The following LDLRAD4 variants were observed in gnomAD, a reference collection of about 807,000 sequenced individuals.
LDLRAD4 encodes low-density lipoprotein receptor class A domain-containing protein 4.
A neutral mutation model predicts 17.0 loss-of-function variants in LDLRAD4; 5 were observed. The ratio of observed to expected loss-of-function variants is 0.29; its 90% CI spans 0.15 to 0.62. The LOEUF is 0.62. Among genes scored for constraint, LDLRAD4 ranks in the 20% least tolerant of loss-of-function variants. The pLI, the probability that LDLRAD4 is intolerant of heterozygous loss-of-function variation, is 0.84. For synonymous variants in LDLRAD4, 168 were observed against 171.8 expected, an observed-to-expected ratio of 0.98 and a Z score of 0.17; for missense variants, 340 against 424.7, an observed-to-expected ratio of 0.80 and a Z score of 1.75.
At position 13,569,608 on chromosome 18, in the gene LDLRAD4, G is replaced by A. The variant is rs188507215; in HGVS notation, c.182-51509G>A. Among the ~76,000 whole-genome samples, 3 of 152,326 alleles carry A rather than the reference G, an allele frequency of 2.0e-5. No individual in the cohort carries two copies. In the East Asian group the frequency reaches 5.8e-4, roughly 29 times the overall value. On this transcript the variant is annotated intron_variant, in intron 3 of 5. Transcript: ENST00000359446. ...CAACTTAAATTTCCCTTGGGGCTGG[G>A]CACAGTGGCTCAAACCTGTAATCCC...
chr18:13,385,555 C>T (rs147111376), intron 1 of LDLRAD4, among the ~76,000 whole-genome samples: 1 of 152,332 alleles, frequency 6.6e-6, no homozygotes, highest in Admixed American at 6.5e-5. Context: ...AAAAACCTCC[C>T]TGCAGTTTGG....
At chr18:13,642,637 G>A (rs907993502) in intron 4 of LDLRAD4, 4 of 1,230,872 alleles carry the variant, frequency 3.2e-6, no homozygotes, top group Non-Finnish European at 4.1e-6. Flanking sequence ...GCTGGAGGCC[G>A]GGCAGGGCAC....
intron 3 of LDLRAD4, among the ~76,000 whole-genome samples, chr18:13,573,272 T>G (rs943039025): frequency 2.6e-5 from 4 of 151,770 alleles, no homozygotes; most frequent in Non-Finnish European, 5.9e-5. Flanking sequence ...GCCCCACTAA[T>G]TTTTGTATTT....
intron 1 of LDLRAD4, among the ~76,000 whole-genome samples, chr18:13,301,547 A>C (rs1181308086): frequency 3.9e-5 from 6 of 152,114 alleles, no homozygotes. Flanking sequence ...GGGTGGCCTC[A>C]TCTCTTCAGC....
chr18:13,480,990 T>C (rs553679418), intron 3 of LDLRAD4, among the ~76,000 whole-genome samples: 38 of 152,330 alleles, frequency 2.5e-4, no homozygotes, highest in African/African-American at 8.9e-4. Flanking sequence ...CATTCTGGCC[T>C]GATCGTTGTC....
At chr18:13,615,659 C>T (rs984705673) in intron 3 of LDLRAD4, 4 of 152,226 alleles carry the variant, frequency 2.6e-5, no homozygotes, top group East Asian at 1.9e-4. Context: ...TCATCACTGT[C>T]GTCACTGTCA....
At chr18:13,422,521 A>AC (rs1164673681) in intron 2 of LDLRAD4, among the ~76,000 whole-genome samples, 11 of 135,086 alleles carry the variant, frequency 8.1e-5, no homozygotes, top group East Asian at 2.2e-4. Context: ...ACATATTGAG[A>AC]CCCCCATCTC....
At chr18:13,333,122 A>C (rs2081949343) in intron 1 of LDLRAD4, among the ~76,000 whole-genome samples, 1 of 152,142 alleles carries the variant, frequency 6.6e-6, no homozygotes, top group Non-Finnish European at 1.5e-5. Flanking sequence ...ATAGGTGCGT[A>C]GTGGTATTTC....
intron 1 of LDLRAD4, among the ~76,000 whole-genome samples, chr18:13,296,013 C>T (rs2046252053): frequency 6.6e-6 from 1 of 152,212 alleles, no homozygotes; most frequent in Non-Finnish European, 1.5e-5. Context: ...TTGCCCAGGA[C>T]CCCACCGGCA....
intron 3 of LDLRAD4, among the ~76,000 whole-genome samples, chr18:13,516,726 G>T (rs924282479): frequency 6.6e-6 from 1 of 152,144 alleles, no homozygotes; most frequent in East Asian, 1.9e-4. Flanking sequence ...TGTTACCCTG[G>T]ATAATGGCGA....
chr18:13,468,297 G>A (rs1758011600), intron 3 of LDLRAD4, among the ~76,000 whole-genome samples: 1 of 152,320 alleles, frequency 6.6e-6, no homozygotes, highest in East Asian at 1.9e-4. Context: ...AAACCCCAAT[G>A]AGATACCATC....
intron 1 of LDLRAD4, chr18:13,240,936 C>CT (rs377602365): frequency 3.5e-4 from 52 of 148,278 alleles, no homozygotes; most frequent in East Asian, 7.8e-4. Context: ...CTTTTCTTTT[C>CT]TTTTTTTTTT....
intron 3 of LDLRAD4, among the ~76,000 whole-genome samples, chr18:13,456,394 C>G (rs2092135328): frequency 6.6e-6 from 1 of 152,236 alleles, no homozygotes; most frequent in African/African-American, 2.4e-5. Context: ...CAGGGTTTCC[C>G]TGGGCAGCTC....
At position 13,518,406 on chromosome 18, in the gene LDLRAD4, T is replaced by C. The variant is rs377241777; in HGVS notation, c.181+80022T>C. On this transcript the variant is annotated intron_variant, in intron 3 of 5. Coordinates refer to ENST00000359446, the Ensembl canonical transcript of LDLRAD4. ...TATCTGTTCTTTTCAAATGGGATTG[T>C]CATTTTAAAAAGTCGTCTTTCTCCT... Among the ~76,000 whole-genome samples the C allele has an allele frequency of 1.6e-4, 24 of 152,350 alleles. No individual in the cohort carries two copies. The South Asian group carries it at 5.0e-3, about 32-fold the overall frequency.
chr18:13,650,246 TTGCTGC>T (rs3842394), exon 6 of LDLRAD4: 50 of 402,278 alleles, frequency 1.2e-4, no homozygotes, highest in African/African-American at 5.4e-4. Flanking sequence ...AGACAGTCAT[TTGCTGC>T]TGCTGCTGCT....
intron 3 of LDLRAD4, chr18:13,521,012 G>A (rs1470348111): frequency 6.6e-6 from 1 of 152,228 alleles, no homozygotes; most frequent in Non-Finnish European, 1.5e-5. Context: ...CGCCATTGGA[G>A]GTAGCCTAGT....
At chr18:13,575,185 C>T (rs2094751255) in intron 3 of LDLRAD4, among the ~76,000 whole-genome samples, 1 of 152,146 alleles carries the variant, frequency 6.6e-6, no homozygotes, top group Non-Finnish European at 1.5e-5. Flanking sequence ...CCCGAGCAGC[C>T]TTCACTGTAC....
At chr18:13,542,388 G>A (rs1021117544) in intron 3 of LDLRAD4, 5 of 152,334 alleles carry the variant, frequency 3.3e-5, no homozygotes, top group South Asian at 2.1e-4. Flanking sequence ...TCATGCCTCC[G>A]TGCTTGCGCG....
At chr18:13,611,196 C>CT in intron 3 of LDLRAD4, 1 of 154,630 alleles carries the variant, frequency 6.5e-6, no homozygotes, top group African/African-American at 2.4e-5. Context: ...GCTAACGTCA[C>CT]TGTCCTGGCT....
Sources: allele counts gnomAD v4.1 joint callset (sites outside exome capture counted in the v4.1 genomes callset), GRCh38; gene constraint gnomAD v4.1.1; transcripts MANE v1.5; gene names NCBI Gene and HGNC (gene_info 2026-07-23, HGNC 2026-07-21).